Variants in SCAPER observed in about 807,000 individuals in gnomAD.
The protein encoded by SCAPER is S phase cyclin A-associated protein in the endoplasmic reticulum.
A neutral mutation model predicts 182.2 loss-of-function variants in SCAPER; 98 were observed. The ratio of observed to expected loss-of-function variants is 0.54; its 90% CI spans 0.46 to 0.64. The LOEUF (loss-of-function observed/expected upper bound fraction) is 0.64, where lower values mean the gene tolerates loss of function less well. SCAPER is among the 30% of genes least tolerant of loss of function. The pLI is 0.00. For synonymous variants in SCAPER, 605 were observed against 564.6 expected (o/e 1.07, Z -1.01); for missense variants, 1,432 against 1,690.0 (o/e 0.85, Z 2.68).
At chr15:76,541,817 AC>A (rs2044774131) in intron 23 of SCAPER, among the ~76,000 whole-genome samples, 1 of 152,214 alleles carries the variant, frequency 6.6e-6, no homozygotes, top group Non-Finnish European at 1.5e-5. Flanking sequence ...ACAGACACTT[AC>A]CTAGAAACAT....
At chr15:76,610,580 A>G (rs1179603061) in intron 22 of SCAPER, among the ~76,000 whole-genome samples, 1 of 152,240 alleles carries the variant, frequency 6.6e-6, no homozygotes, top group South Asian at 2.1e-4. Context: ...CAAATTCAGT[A>G]AAGTTGCAGA....
At chr15:76,691,985 A>G (rs988779389) in intron 20 of SCAPER, among the ~76,000 whole-genome samples, 1 of 152,198 alleles carries the variant, frequency 6.6e-6, no homozygotes, top group Non-Finnish European at 1.5e-5. Context: ...AGAAAGTGAC[A>G]GCAGAAAAAA....
intron 28 of SCAPER, chr15:76,379,779 A>T (rs2042818942): frequency 6.6e-6 from 1 of 151,550 alleles, no homozygotes; most frequent in African/African-American, 2.4e-5. Flanking sequence ...TAAAGGCACT[A>T]GGGAGCAGGT....
intron 8 of SCAPER, chr15:76,793,520 T>C: frequency 2.5e-6 from 1 of 397,410 alleles, no homozygotes. Context: ...CATGCCTAGA[T>C]AATGAAGTTT....
intron 15 of SCAPER, among the ~76,000 whole-genome samples, chr15:76,740,034 C>G (rs1462863768): frequency 1.3e-5 from 2 of 152,080 alleles, no homozygotes; most frequent in African/African-American, 4.8e-5. Context: ...AATTTTGTGG[C>G]ACATGCCTAT....
intron 2 of SCAPER, among the ~76,000 whole-genome samples, chr15:76,876,065 G>A (rs1286279121): frequency 6.6e-6 from 1 of 151,514 alleles, no homozygotes; most frequent in Non-Finnish European, 1.5e-5. Context: ...CCCAGCTGCT[G>A]GCCCAGGTGC....
intron 5 of SCAPER, among the ~76,000 whole-genome samples, chr15:76,821,761 T>C (rs1300174552): frequency 6.6e-6 from 1 of 152,006 alleles, no homozygotes; most frequent in Non-Finnish European, 1.5e-5. Flanking sequence ...TTTTAAAAAT[T>C]AGTCAGGCAT....
At chr15:76,427,765 T>C (rs1308688376) in intron 26 of SCAPER, among the ~76,000 whole-genome samples, 1 of 152,096 alleles carries the variant, frequency 6.6e-6, no homozygotes, top group Non-Finnish European at 1.5e-5. Flanking sequence ...AAACCCCATC[T>C]GTACTAAAAA....
At chr15:76,836,772 G>A (rs1738006712) in intron 5 of SCAPER, among the ~76,000 whole-genome samples, 1 of 152,110 alleles carries the variant, frequency 6.6e-6, no homozygotes, top group Non-Finnish European at 1.5e-5. Context: ...TACTCGGGAG[G>A]CTGAGGCAGG....
In SCAPER at chr15:76,434,197, C is replaced by T. The variant is rs1330032178; in HGVS notation, c.3192G>A (p.Leu1064=). 1.2e-6 allele frequency: 2 copies of T among 1,613,934 alleles called. No homozygotes were observed. The highest frequency in any genetic ancestry group is 1.3e-5 in the African/African-American group (1 of 75,012). Residue 1064 remains leucine, a synonymous_variant, in exon 26 of 32, where the codon CTG becomes CTA. Coordinates refer to ENST00000563290, the MANE Select transcript of SCAPER (RefSeq NM_020843.4). ...AGTTTCCATCTGGTCGATTGGCAAT[C>T]AGGCAGCCCAAAACCACAGCACTGA... ...LKVSAVVLGC[L]IANRPDGNCQ... is the part of the protein sequence containing the mutation.
chr15:76,667,150 C>A lies in SCAPER; in HGVS notation c.2509-1361G>T, dbSNP rs376695548. ...TTAGTCCAGCTTTTGCCCTTACCAC[C>A]CTTACCAATCTACAAATTTTCCTTG... On this transcript the variant is annotated intron_variant, in intron 20 of 31. Transcript: ENST00000563290. 3.4e-4 allele frequency among the ~76,000 whole-genome samples: 52 copies of A among 152,238 alleles called. 4 individuals carry two copies. In the South Asian group the frequency reaches 0.011, roughly 32 times the overall value.
chr15:76,412,504 G>A (rs1482226800), intron 26 of SCAPER, among the ~76,000 whole-genome samples: 1 of 151,928 alleles, frequency 6.6e-6, no homozygotes, highest in Non-Finnish European at 1.5e-5. Context: ...CTAAAAAATA[G>A]TGTATTTTTT....
intron 22 of SCAPER, among the ~76,000 whole-genome samples, chr15:76,587,719 T>G (rs2468117): frequency 0.97 from 147,767 of 152,148 alleles, 71,889 homozygotes; most frequent in South Asian, 1. Flanking sequence ...CTACATTGGA[T>G]AAATTTCCAT....
At chr15:76,876,848 A>G (rs1429627132) in intron 2 of SCAPER, among the ~76,000 whole-genome samples, 1 of 152,234 alleles carries the variant, frequency 6.6e-6, no homozygotes, top group Non-Finnish European at 1.5e-5. Flanking sequence ...TAATAAGGTG[A>G]GAAAAAGAAT....
intron 20 of SCAPER, among the ~76,000 whole-genome samples, chr15:76,686,143 T>C (rs372050843): frequency 4.6e-5 from 7 of 152,004 alleles, no homozygotes; most frequent in African/African-American, 1.4e-4. Context: ...AAAACTGTTA[T>C]AGATATTTCC....
intron 23 of SCAPER, among the ~76,000 whole-genome samples, chr15:76,507,858 T>C (rs2041725577): frequency 6.6e-6 from 1 of 152,220 alleles, no homozygotes; most frequent in African/African-American, 2.4e-5. Flanking sequence ...ATTTACTTAA[T>C]ACTGTAATGC....
At chr15:76,505,109 T>G (rs2041461531) in intron 23 of SCAPER, 135 bp from the exon 24 acceptor site, 1 of 678,302 alleles carries the variant, frequency 1.5e-6, no homozygotes, top group Non-Finnish European at 2.5e-6. Flanking sequence ...TGCTGAATGC[T>G]ACTCACTGCT....
intron 25 of SCAPER, among the ~76,000 whole-genome samples, chr15:76,458,422 A>T (rs1307623131): frequency 9.0e-6 from 1 of 111,568 alleles, no homozygotes; most frequent in Non-Finnish European, 1.9e-5. Context: ...ACACACACAC[A>T]CATATATATA....
intron 21 of SCAPER, among the ~76,000 whole-genome samples, chr15:76,639,904 T>A (rs1027417271): frequency 2.0e-5 from 3 of 152,210 alleles, no homozygotes; most frequent in African/African-American, 7.2e-5. Context: ...TGTATACTTG[T>A]ATTGACTCAT....
Sources: allele counts gnomAD v4.1 joint callset (sites outside exome capture counted in the v4.1 genomes callset), GRCh38; gene constraint gnomAD v4.1.1; transcripts MANE v1.5; gene names NCBI Gene and HGNC (gene_info 2026-07-23, HGNC 2026-07-21).